The following DLGAP4 variants were observed in gnomAD, a reference collection of about 807,000 sequenced individuals.
DLGAP4 encodes DLG associated protein 4.
Under a neutral mutation model 86.9 loss-of-function variants are expected in DLGAP4, and 18 were observed. That is an observed-to-expected ratio of 0.21 (90% CI 0.14 to 0.31). The LOEUF (loss-of-function observed/expected upper bound fraction) is 0.31, where lower values mean the gene tolerates loss of function less well. Among genes scored for constraint, DLGAP4 ranks in the 10% least tolerant of loss-of-function variants. The pLI is 1.00. For missense variants in DLGAP4, 1,085 were observed against 1,362.6 expected (o/e 0.80, Z 3.21); for synonymous variants, 548 against 574.3 (o/e 0.95, Z 0.65).
intron 2 of DLGAP4, among the ~76,000 whole-genome samples, chr20:36,422,056 G>C (rs530672652): frequency 1.3e-5 from 2 of 152,100 alleles, no homozygotes; most frequent in African/African-American, 4.8e-5. Flanking sequence ...GGTTGAGCAC[G>C]GGAAGGGTGC....
At chr20:36,433,946 A>G (rs2033200336) in intron 3 of DLGAP4, among the ~76,000 whole-genome samples, 1 of 136,770 alleles carries the variant, frequency 7.3e-6, no homozygotes. Context: ...GCACCCAGCA[A>G]TTTTTTTTTT....
At chr20:36,415,590 C>T (rs988267535) in intron 2 of DLGAP4, among the ~76,000 whole-genome samples, 6 of 152,198 alleles carry the variant, frequency 3.9e-5, no homozygotes, top group Non-Finnish European at 8.8e-5. Flanking sequence ...TGTGTTACCT[C>T]GTTGATCTCT....
chr20:36,496,668 C>T (rs201940211), intron 7 of DLGAP4, 37 bp from the exon 8 acceptor site: 108 of 1,569,226 alleles, frequency 6.9e-5, no homozygotes, highest in Non-Finnish European at 8.9e-5. Context: ...GCTTCACCAT[C>T]TCACCTCTCC....
intron 2 of DLGAP4, among the ~76,000 whole-genome samples, chr20:36,426,227 T>C (rs2032969304): frequency 6.6e-6 from 1 of 152,074 alleles, no homozygotes; most frequent in Non-Finnish European, 1.5e-5. Context: ...TAAATATTAC[T>C]AGGGGCCGCC....
At chr20:36,309,475 A>G (rs1714832967) in intron 1 of DLGAP4, among the ~76,000 whole-genome samples, 1 of 152,218 alleles carries the variant, frequency 6.6e-6, no homozygotes, top group African/African-American at 2.4e-5. Flanking sequence ...GCCATTGCCA[A>G]CATGACTGTC....
At chr20:36,375,841 G>A (rs557817092) in intron 2 of DLGAP4, among the ~76,000 whole-genome samples, 1 of 152,256 alleles carries the variant, frequency 6.6e-6, no homozygotes, top group South Asian at 2.1e-4. Context: ...TCAACTGTTG[G>A]GCTGGGGAGT....
rs190673708 is a variant in DLGAP4 at position 36,458,792 on chromosome 20, C to T, written c.1648+11855C>T. Among the ~76,000 whole-genome samples the T allele has an allele frequency of 1.2e-4, 18 of 152,152 alleles. No homozygotes were observed. In the East Asian group the frequency reaches 3.3e-3, roughly 28 times the overall value. On this transcript the variant is annotated intron_variant, in intron 7 of 12. Transcript: ENST00000339266. ...GCGAGAAGTGGGTGATATGGGAATA[C>T]CAGGGTGATGATGGTGGCTTAGGCA...
chr20:36,493,655 G>GCAGCC (rs904665680), intron 7 of DLGAP4, among the ~76,000 whole-genome samples: 21 of 152,166 alleles, frequency 1.4e-4, no homozygotes, highest in African/African-American at 2.4e-4. Context: ...CCAAACACCG[G>GCAGCC]CAGCCCAGCC....
chr20:36,390,145 G>A (rs1431701260), intron 2 of DLGAP4, among the ~76,000 whole-genome samples: 1 of 152,258 alleles, frequency 6.6e-6, no homozygotes, highest in African/African-American at 2.4e-5. Context: ...CATCACAGAA[G>A]ACATCATATT....
intron 2 of DLGAP4, among the ~76,000 whole-genome samples, chr20:36,416,708 A>C (rs1193266831): frequency 1.3e-5 from 2 of 152,200 alleles, no homozygotes; most frequent in Non-Finnish European, 2.9e-5. Context: ...CTGAGCTTCA[A>C]GGATTTTAAG....
chr20:36,528,523 G>A lies in DLGAP4; in HGVS notation c.*1492G>A, dbSNP rs2037910406. 2 of 152,588 alleles carry A rather than the reference G, an allele frequency of 1.3e-5. No homozygotes were observed. 9.5% of individuals were successfully genotyped at this position (152,588 alleles called of 1,614,324 possible). ...GCTTGGCCGCCGTCTGTGACCTTGG[G>A]CAAGTCACTTGACCTCTGTGTGCCT... On this transcript the variant is annotated 3_prime_UTR_variant, in exon 13 of 13. Transcript: ENST00000339266.
At chr20:36,522,254 A>C (rs147611568) in intron 10 of DLGAP4, among the ~76,000 whole-genome samples, 411 of 152,226 alleles carry the variant, frequency 2.7e-3, no homozygotes, top group African/African-American at 8.8e-3. Flanking sequence ...CCCTGGGTTC[A>C]AACAATCCTC....
At chr20:36,416,224 C>T (rs1180368522) in intron 2 of DLGAP4, among the ~76,000 whole-genome samples, 6 of 152,172 alleles carry the variant, frequency 3.9e-5, no homozygotes, top group African/African-American at 1.4e-4. Flanking sequence ...CGGGTTCAAG[C>T]GATTCTCCTG....
chr20:36,526,948 G>A lies in DLGAP4; in HGVS notation c.2896G>A (p.Ala966Thr). The A allele has an allele frequency of 3.7e-6, 6 of 1,613,910 alleles. No individual in the cohort carries two copies. Among genetic ancestry groups the A allele is most frequent in the Non-Finnish European group, 5.1e-6 (6 of 1,179,948 alleles). ...ARKRLLAAKR[A>T]ASVRQNSATE... ...CAAGAGACTCCTGGCGGCCAAGCGG[G>A]CAGCTTCTGTGCGGCAGAACTCAGC... Residue 966 changes from alanine (A) to threonine (T), a missense_variant, in exon 13 of 13, where the codon GCA becomes ACA. Coordinates refer to ENST00000339266, the MANE Select transcript of DLGAP4 (RefSeq NM_001365621.2).
chr20:36,396,213 C>T (rs187660968), intron 2 of DLGAP4, among the ~76,000 whole-genome samples: 345 of 151,976 alleles, frequency 2.3e-3, no homozygotes, highest in East Asian at 1.2e-3. Flanking sequence ...CCCTCAGCAC[C>T]GCAGAAGTGC....
At chr20:36,508,867 T>A (rs1466254807) in intron 10 of DLGAP4, 2 of 152,242 alleles carry the variant, frequency 1.3e-5, no homozygotes, top group Non-Finnish European at 2.9e-5. Flanking sequence ...TGCTGTCTGA[T>A]TGCTCTCCAA....
At chr20:36,419,937 G>A (rs567381003) in intron 2 of DLGAP4, among the ~76,000 whole-genome samples, 6 of 152,350 alleles carry the variant, frequency 3.9e-5, no homozygotes, top group Admixed American at 3.9e-4. Flanking sequence ...CCACCGGGGT[G>A]TATCTTGGAG....
At chr20:36,317,408 C>T in intron 1 of DLGAP4, among the ~76,000 whole-genome samples, 1 of 134,668 alleles carries the variant, frequency 7.4e-6, no homozygotes, top group East Asian at 2.2e-4. Context: ...TCTCTTCTTC[C>T]TTCCTTCTTT....
chr20:36,398,295 G>A (rs1206102247), intron 2 of DLGAP4, among the ~76,000 whole-genome samples: 1 of 152,202 alleles, frequency 6.6e-6, no homozygotes, highest in East Asian at 1.9e-4. Context: ...AAGGCCTTCT[G>A]GAGGAGTTAC....
Sources: allele counts gnomAD v4.1 joint callset (sites outside exome capture counted in the v4.1 genomes callset), GRCh38; gene constraint gnomAD v4.1.1; transcripts MANE v1.5; gene names NCBI Gene and HGNC (gene_info 2026-07-23, HGNC 2026-07-21).